LY96: variants seen among roughly 807,000 people sequenced by gnomAD.
LY96 encodes lymphocyte antigen 96, also known as myeloid differentiation protein-2.
Under a neutral mutation model 18.9 loss-of-function variants are expected in LY96, and 18 were observed. That is an observed-to-expected ratio of 0.95 (90% CI 0.66 to 1.41). LY96 has a LOEUF of 1.41. Ranked by LOEUF, LY96 falls within the 40% of genes most tolerant of loss-of-function variation. The pLI is 0.00. For missense variants in LY96, 175 were observed against 182.4 expected, an observed-to-expected ratio of 0.96 and a Z score of 0.23; for synonymous variants, 66 against 62.6, an observed-to-expected ratio of 1.06 and a Z score of -0.26.
At chr8:74,000,054 T>G (rs1329085796) in intron 1 of LY96, among the ~76,000 whole-genome samples, 2 of 152,218 alleles carry the variant, frequency 1.3e-5, no homozygotes, top group African/African-American at 4.8e-5. Flanking sequence ...GAGTATGATG[T>G]TGACTGTGGG....
chr8:74,067,939 T>C, the LY96 span, among the ~76,000 whole-genome samples: 1 of 151,128 alleles, frequency 6.6e-6, no homozygotes, highest in Non-Finnish European at 1.5e-5. Flanking sequence ...CACATGTCTG[T>C]AATCCCAGCT....
intron 2 of LY96, among the ~76,000 whole-genome samples, chr8:74,005,936 G>A (rs11783456): frequency 0.31 from 46,723 of 152,030 alleles, 7,297 homozygotes; most frequent in Admixed American, 0.36. Context: ...AGTTTTACAT[G>A]AATAAGCTTA....
At chr8:74,047,706 A>G in the LY96 span, among the ~76,000 whole-genome samples, 1 of 152,184 alleles carries the variant, frequency 6.6e-6, no homozygotes, top group Non-Finnish European at 1.5e-5. Flanking sequence ...TCTAAAATAC[A>G]GTTAATAATA....
chr8:74,029,549 C>T (rs1816935481), downstream of LY96, among the ~76,000 whole-genome samples: 1 of 152,196 alleles, frequency 6.6e-6, no homozygotes, highest in Admixed American at 6.5e-5. Flanking sequence ...CTGCACTTCA[C>T]CTTCCTGCCA....
chr8:74,016,154 C>G (rs1586656521), intron 3 of LY96, among the ~76,000 whole-genome samples: 1 of 152,218 alleles, frequency 6.6e-6, no homozygotes, highest in East Asian at 1.9e-4. Flanking sequence ...GGGACACTCC[C>G]ACCTTAATAC....
chr8:74,051,609 T>C, the LY96 span, among the ~76,000 whole-genome samples: 2 of 152,108 alleles, frequency 1.3e-5, no homozygotes, highest in East Asian at 3.8e-4. Flanking sequence ...TGTATGGTAT[T>C]AGGTGGCGGG....
At chr8:74,017,840 C>G (rs1053808505) in intron 3 of LY96, among the ~76,000 whole-genome samples, 1 of 152,164 alleles carries the variant, frequency 6.6e-6, no homozygotes, top group African/African-American at 2.4e-5. Context: ...CCTTTACAGA[C>G]AAGCAAATGC....
chr8:74,065,498 C>T, the LY96 span, among the ~76,000 whole-genome samples: 3 of 152,156 alleles, frequency 2.0e-5, no homozygotes. Context: ...AAGAGTTTCA[C>T]AAGTTGTAAA....
At chr8:74,087,115 G>A in the LY96 span, among the ~76,000 whole-genome samples, 1 of 152,170 alleles carries the variant, frequency 6.6e-6, no homozygotes, top group Non-Finnish European at 1.5e-5. Flanking sequence ...GGTGGCAATA[G>A]CTCCTGAAAT....
chr8:74,085,680 C>G, the LY96 span, among the ~76,000 whole-genome samples: 3 of 152,194 alleles, frequency 2.0e-5, no homozygotes, highest in Non-Finnish European at 2.9e-5. Flanking sequence ...CTTTCTATTT[C>G]AGAGATTTGC....
the LY96 span, chr8:74,099,710 C>A: frequency 9.9e-5 from 15 of 152,218 alleles, no homozygotes. Flanking sequence ...AACCACTCAA[C>A]TTACCATACG....
At chr8:74,046,204 G>A in the LY96 span, among the ~76,000 whole-genome samples, 40 of 152,230 alleles carry the variant, frequency 2.6e-4, no homozygotes, top group Middle Eastern at 3.4e-3. Flanking sequence ...ACTTAAACCC[G>A]GGAGGCAGAG....
chr8:74,099,597 C>T, the LY96 span: 1 of 152,210 alleles, frequency 6.6e-6, no homozygotes, highest in African/African-American at 2.4e-5. Flanking sequence ...ATTTTTTGTA[C>T]ACAGGACCCA....
chr8:74,085,294 G>C, the LY96 span, among the ~76,000 whole-genome samples: 6 of 152,288 alleles, frequency 3.9e-5, no homozygotes, highest in African/African-American at 1.4e-4. Flanking sequence ...TGATTGTCTG[G>C]TTTCAAAGCC....
At chr8:74,000,814 G>A (rs1816246972) in intron 1 of LY96, among the ~76,000 whole-genome samples, 1 of 152,200 alleles carries the variant, frequency 6.6e-6, no homozygotes, top group African/African-American at 2.4e-5. Flanking sequence ...TTGAGGCATT[G>A]CATCTAGCAA....
chr8:74,064,054 A>T, the LY96 span, among the ~76,000 whole-genome samples: 3 of 152,338 alleles, frequency 2.0e-5, no homozygotes, highest in South Asian at 6.2e-4. Context: ...GGTGCATAAG[A>T]AGCCATTAAA....
At chr8:74,041,234 AC>A in the LY96 span, among the ~76,000 whole-genome samples, 1 of 152,180 alleles carries the variant, frequency 6.6e-6, no homozygotes, top group African/African-American at 2.4e-5. Context: ...CCAAATTAAT[AC>A]TTTTATAATT....
chr8:74,099,648 C>G, the LY96 span: 1 of 152,208 alleles, frequency 6.6e-6, no homozygotes, highest in African/African-American at 2.4e-5. Flanking sequence ...GCATGTTTTT[C>G]CTTTTGTAAA....
At chr8:74,007,941 G>A (rs1382696968) in intron 2 of LY96, among the ~76,000 whole-genome samples, 1 of 152,140 alleles carries the variant, frequency 6.6e-6, no homozygotes, top group Non-Finnish European at 1.5e-5. Context: ...TGTATTTTTA[G>A]CAGAGACAGG....
Sources: gnomAD v4.1 joint callset for allele counts (sites outside exome capture counted in the v4.1 genomes callset) on GRCh38, gnomAD v4.1.1 for gene constraint, MANE v1.5 for transcripts, NCBI Gene and HGNC (gene_info 2026-07-23, HGNC 2026-07-21) for gene names.